CFAP95: variants seen among roughly 807,000 people sequenced by gnomAD.
CFAP95 encodes cilia- and flagella-associated protein 95.
chr9:69,862,349 T>C, the CFAP95 span, among the ~76,000 whole-genome samples: 19 of 152,324 alleles, frequency 1.2e-4, no homozygotes, highest in African/African-American at 4.3e-4. Context: ...TTTGTTTTAT[T>C]TGATTCATGA....
At chr9:69,856,920 GT>G in the CFAP95 span, among the ~76,000 whole-genome samples, 8,229 of 125,860 alleles carry the variant, frequency 0.065, 749 homozygotes, top group African/African-American at 0.23. Flanking sequence ...CTTTATATGT[GT>G]TTTTTTTTTT....
the CFAP95 span, among the ~76,000 whole-genome samples, chr9:69,897,642 A>G: frequency 3.3e-5 from 5 of 152,214 alleles, no homozygotes; most frequent in Non-Finnish European, 7.3e-5. Flanking sequence ...GACTGGCTAT[A>G]CAGTTGACTA....
the CFAP95 span, chr9:69,856,657 T>G: frequency 2.5e-6 from 4 of 1,608,420 alleles, no homozygotes; most frequent in Admixed American, 6.7e-5. Context: ...AACAGTGAGC[T>G]CCGGGATTAT....
At chr9:69,833,477 C>T in the CFAP95 span, among the ~76,000 whole-genome samples, 69 of 152,286 alleles carry the variant, frequency 4.5e-4, no homozygotes, top group Non-Finnish European at 6.8e-4. Flanking sequence ...GCTGGGATTA[C>T]GGTGTGAGCT....
chr9:69,876,488 G>A, the CFAP95 span, among the ~76,000 whole-genome samples: 1 of 151,708 alleles, frequency 6.6e-6, no homozygotes, highest in Non-Finnish European at 1.5e-5. Context: ...AGCCATGATT[G>A]TGCCACTGCA....
the CFAP95 span, chr9:69,820,939 G>A: frequency 6.2e-7 from 1 of 1,614,070 alleles, no homozygotes; most frequent in South Asian, 1.1e-5. Context: ...ACTGGTTGGA[G>A]ATCGGACCAC....
At chr9:69,836,725 ATTTATTTATTTT>A in the CFAP95 span, among the ~76,000 whole-genome samples, 1 of 95,132 alleles carries the variant, frequency 1.1e-5, no homozygotes, top group Non-Finnish European at 2.3e-5. Context: ...TTATTTATTT[ATTTATTTATTTT>A]TTATTATTAT....
the CFAP95 span, chr9:69,857,795 T>G: frequency 1.2e-6 from 1 of 869,506 alleles, no homozygotes; most frequent in South Asian, 1.8e-5. Flanking sequence ...CCCAAAGTTC[T>G]GGGATTACAG....
the CFAP95 span, among the ~76,000 whole-genome samples, chr9:69,880,943 C>T: frequency 1.3e-5 from 2 of 152,092 alleles, no homozygotes; most frequent in African/African-American, 4.8e-5. Context: ...TGCCTATTTG[C>T]CACTTGTATG....
chr9:69,868,805 GA>G, the CFAP95 span, among the ~76,000 whole-genome samples: 50,628 of 139,400 alleles, frequency 0.36, 9,321 homozygotes, highest in Non-Finnish European at 0.43. Context: ...CAACTTATTA[GA>G]AAAAAAAAAA....
chr9:69,862,968 C>T, the CFAP95 span, among the ~76,000 whole-genome samples: 9 of 152,280 alleles, frequency 5.9e-5, no homozygotes, highest in East Asian at 7.7e-4. Flanking sequence ...TAAAGAAAAG[C>T]GCTCTGTGAA....
the CFAP95 span, among the ~76,000 whole-genome samples, chr9:69,833,572 G>C: frequency 5.9e-5 from 9 of 152,052 alleles, no homozygotes; most frequent in Non-Finnish European, 1.3e-4. Context: ...GTGCAGCTGC[G>C]GGAAATGTAA....
chr9:69,903,316 C>G, the CFAP95 span, among the ~76,000 whole-genome samples: 1 of 152,242 alleles, frequency 6.6e-6, no homozygotes, highest in Non-Finnish European at 1.5e-5. Flanking sequence ...ATGCCTAACA[C>G]TGAACCTATT....
the CFAP95 span, among the ~76,000 whole-genome samples, chr9:69,902,828 G>T: frequency 2.0e-4 from 31 of 151,842 alleles, no homozygotes. Context: ...TTTCATGTTT[G>T]CATGTTTCTG....
the CFAP95 span, among the ~76,000 whole-genome samples, chr9:69,895,304 C>T: frequency 4.0e-5 from 6 of 151,792 alleles, no homozygotes; most frequent in Admixed American, 3.9e-4. Flanking sequence ...TGCTGGCCTC[C>T]ACAATCATGT....
chr9:69,896,020 G>A, the CFAP95 span, among the ~76,000 whole-genome samples: 1 of 152,144 alleles, frequency 6.6e-6, no homozygotes, highest in Non-Finnish European at 1.5e-5. Context: ...AGAGAACTTG[G>A]AATTATGAGA....
At chr9:69,836,928 T>C in the CFAP95 span, among the ~76,000 whole-genome samples, 3 of 145,792 alleles carry the variant, frequency 2.1e-5, no homozygotes, top group Non-Finnish European at 3.0e-5. Flanking sequence ...CCCCTTCCTG[T>C]GTCCATGTGT....
At chr9:69,899,733 T>C in the CFAP95 span, among the ~76,000 whole-genome samples, 1 of 152,230 alleles carries the variant, frequency 6.6e-6, no homozygotes, top group African/African-American at 2.4e-5. Flanking sequence ...TTTTGGGACA[T>C]GCTAGGCAGA....
At chr9:69,876,671 G>A in the CFAP95 span, among the ~76,000 whole-genome samples, 1 of 151,948 alleles carries the variant, frequency 6.6e-6, no homozygotes, top group African/African-American at 2.4e-5. Context: ...GTCTTGCGCT[G>A]TCTCCCAGGC....
Sources: gnomAD v4.1 joint callset for allele counts (sites outside exome capture counted in the v4.1 genomes callset) on GRCh38, gnomAD v4.1.1 for gene constraint, MANE v1.5 for transcripts, NCBI Gene and HGNC (gene_info 2026-07-23, HGNC 2026-07-21) for gene names.